Variants in ZFAT observed in about 807,000 individuals in gnomAD.
ZFAT encodes zinc finger and AT-hook domain containing.
ZFAT carries 64 observed loss-of-function variants against 117.7 expected under a neutral mutation model. The observed-to-expected ratio is 0.54, with a 90% CI of 0.44 to 0.67. The LOEUF is 0.67. ZFAT is among the 30% of genes least tolerant of loss of function. ZFAT has a pLI of 0.00. For synonymous variants in ZFAT, 679 were observed against 615.0 expected, an observed-to-expected ratio of 1.10 and a Z score of -1.54; for missense variants, 1,433 against 1,584.5, an observed-to-expected ratio of 0.90 and a Z score of 1.62.
chr8:134,563,969 C>A (rs372163849), intron 11 of ZFAT, among the ~76,000 whole-genome samples: 1 of 142,542 alleles, frequency 7.0e-6, no homozygotes, highest in African/African-American at 3.1e-5. Context: ...CATAGTGAAA[C>A]CCCGTCTCTA....
chr8:134,751,680 G>C, the ZFAT span, among the ~76,000 whole-genome samples: 2 of 152,300 alleles, frequency 1.3e-5, no homozygotes, highest in Middle Eastern at 3.4e-3. Flanking sequence ...AGCACCAGGT[G>C]GGGGAATGTG....
intron 5 of ZFAT, among the ~76,000 whole-genome samples, chr8:134,605,176 G>A (rs560668436): frequency 1.1e-4 from 16 of 152,268 alleles, no homozygotes; most frequent in African/African-American, 3.1e-4. Flanking sequence ...CCAGAGCTTC[G>A]ATGTCCATGC....
At chr8:134,549,459 A>AAG (rs1554643509) in intron 11 of ZFAT, among the ~76,000 whole-genome samples, 3 of 147,910 alleles carry the variant, frequency 2.0e-5, no homozygotes, top group East Asian at 2.0e-4. Flanking sequence ...AAAAAAAAAA[A>AAG]AAGAAGAAGA....
chr8:134,502,774 C>T (rs1746031772), intron 15 of ZFAT, among the ~76,000 whole-genome samples: 1 of 152,206 alleles, frequency 6.6e-6, no homozygotes, highest in Non-Finnish European at 1.5e-5. Flanking sequence ...GGATTTTGAA[C>T]AAGATTAAGG....
At chr8:134,716,380 T>C (rs1202343865), upstream of ZFAT, among the ~76,000 whole-genome samples, 1 of 152,164 alleles carries the variant, frequency 6.6e-6, no homozygotes, top group African/African-American at 2.4e-5. Context: ...ACTATGAACA[T>C]AATTACAAGA....
At chr8:134,809,697 C>T in the ZFAT span, among the ~76,000 whole-genome samples, 1 of 152,164 alleles carries the variant, frequency 6.6e-6, no homozygotes, top group Admixed American at 6.5e-5. Flanking sequence ...TTTTGTTTAT[C>T]ATGTCGGTAA....
intron 8 of ZFAT, among the ~76,000 whole-genome samples, chr8:134,588,911 T>C (rs1311188438): frequency 6.6e-6 from 1 of 152,228 alleles, no homozygotes; most frequent in Non-Finnish European, 1.5e-5. Context: ...GGTGGTTATG[T>C]TGAAAGCAAT....
intron 15 of ZFAT, among the ~76,000 whole-genome samples, chr8:134,485,598 C>T (rs1237040950): frequency 3.3e-5 from 5 of 152,100 alleles, no homozygotes; most frequent in South Asian, 2.1e-4. Context: ...GGCAGTGGCC[C>T]GTGGGGACAC....
At chr8:134,509,773 A>T in intron 14 of ZFAT, 24 bp from the exon 15 acceptor site, 1 of 1,578,994 alleles carries the variant, frequency 6.3e-7, no homozygotes, top group Non-Finnish European at 8.6e-7. Flanking sequence ...AGCAAAGAGG[A>T]CACCATTCAG....
At chr8:134,614,444 A>G (rs1357339273) in intron 3 of ZFAT, among the ~76,000 whole-genome samples, 1 of 152,056 alleles carries the variant, frequency 6.6e-6, no homozygotes, top group Admixed American at 6.5e-5. Flanking sequence ...CCTCTGTGAT[A>G]CTCTGTACCC....
intron 15 of ZFAT, among the ~76,000 whole-genome samples, chr8:134,480,979 G>T (rs1214111073): frequency 6.6e-6 from 1 of 152,172 alleles, no homozygotes; most frequent in Non-Finnish European, 1.5e-5. Flanking sequence ...CAAAATTATG[G>T]ATTGGAAGGA....
At chr8:134,538,691 T>G (rs113239512) in intron 11 of ZFAT, among the ~76,000 whole-genome samples, 3 of 148,776 alleles carry the variant, frequency 2.0e-5, no homozygotes, top group African/African-American at 7.4e-5. Context: ...CAGCTACTTG[T>G]GGGGTTGAGG....
chr8:134,725,554 G>A, the ZFAT span, among the ~76,000 whole-genome samples: 31 of 152,090 alleles, frequency 2.0e-4, no homozygotes, highest in Admixed American at 1.8e-3. Flanking sequence ...AGCAGCAAAG[G>A]TATGGTGCCA....
At chr8:134,735,411 C>G in the ZFAT span, among the ~76,000 whole-genome samples, 1 of 152,180 alleles carries the variant, frequency 6.6e-6, no homozygotes, top group Non-Finnish European at 1.5e-5. Flanking sequence ...CAGGCTATAG[C>G]TGATCCTATG....
chr8:134,813,507 C>T, the ZFAT span, among the ~76,000 whole-genome samples: 1 of 152,172 alleles, frequency 6.6e-6, no homozygotes, highest in Admixed American at 6.5e-5. Context: ...TCCGCTTCCC[C>T]GTTCAAGTGA....
At chr8:134,519,733 A>C (rs1252597835) in intron 13 of ZFAT, among the ~76,000 whole-genome samples, 2 of 152,222 alleles carry the variant, frequency 1.3e-5, no homozygotes, top group South Asian at 2.1e-4. Flanking sequence ...AGAACAGCAG[A>C]GCCACCGGGC....
the ZFAT span, among the ~76,000 whole-genome samples, chr8:134,817,445 CTTAT>C: frequency 8.2e-3 from 1,053 of 128,772 alleles, 13 homozygotes; most frequent in South Asian, 0.025. Flanking sequence ...ACAACGCACC[CTTAT>C]TGATTGTTTC....
At chr8:134,607,933 T>G (rs553862879) in intron 5 of ZFAT, among the ~76,000 whole-genome samples, 2 of 152,340 alleles carry the variant, frequency 1.3e-5, no homozygotes, top group African/African-American at 4.8e-5. Context: ...CACTAGGCAC[T>G]CATATCCTTT....
the ZFAT span, among the ~76,000 whole-genome samples, chr8:134,816,067 T>A: frequency 6.6e-6 from 1 of 152,102 alleles, no homozygotes; most frequent in Non-Finnish European, 1.5e-5. Flanking sequence ...ACTGAATAAA[T>A]AAAAATATAG....
Sources: allele counts gnomAD v4.1 joint callset (sites outside exome capture counted in the v4.1 genomes callset), GRCh38; gene constraint gnomAD v4.1.1; transcripts MANE v1.5; gene names NCBI Gene and HGNC (gene_info 2026-07-23, HGNC 2026-07-21).